The following RBFOX1 variants were observed in gnomAD, a reference collection of about 807,000 sequenced individuals.
The protein encoded by RBFOX1 is RNA binding fox-1 homolog 1, also known as RNA binding protein fox-1 homolog 1.
In RBFOX1, 8 loss-of-function variants were observed where a neutral mutation model predicts 57.7. That is an observed-to-expected ratio of 0.14 (90% CI 0.08 to 0.25). RBFOX1 has a LOEUF of 0.25. Among genes scored for constraint, RBFOX1 ranks in the 10% least tolerant of loss-of-function variants. The probability of loss-of-function intolerance (pLI) is 1.00; values close to 1 mark genes in which losing one functional copy is unlikely to be tolerated. For missense variants in RBFOX1, 611 were observed against 548.5 expected (o/e 1.11, Z -1.14); for synonymous variants, 326 against 222.4 (o/e 1.47, Z -4.15).
At chr16:6,035,222 C>T (rs537537165) in intron 1 of RBFOX1, among the ~76,000 whole-genome samples, 19 of 152,126 alleles carry the variant, frequency 1.2e-4, no homozygotes, top group South Asian at 2.1e-4. Flanking sequence ...CAAAATATGC[C>T]GTGGGCATCT....
At chr16:6,814,193 CATG>C (rs1168550804) in intron 3 of RBFOX1, among the ~76,000 whole-genome samples, 1 of 142,994 alleles carries the variant, frequency 7.0e-6, no homozygotes, top group African/African-American at 2.6e-5. Flanking sequence ...GCATGATCAA[CATG>C]ATGATAATAA....
chr16:7,276,532 A>C (rs1031250423), intron 4 of RBFOX1, among the ~76,000 whole-genome samples: 1 of 152,124 alleles, frequency 6.6e-6, no homozygotes, highest in Non-Finnish European at 1.5e-5. Context: ...AAATCTAAGT[A>C]GGAGGCTTCT....
At chr16:6,444,670 C>G (rs1355258160) in intron 2 of RBFOX1, among the ~76,000 whole-genome samples, 2 of 151,766 alleles carry the variant, frequency 1.3e-5, no homozygotes, top group Middle Eastern at 6.8e-3. Context: ...TCTTTATCAG[C>G]AGGGTTAAAA....
intron 2 of RBFOX1, among the ~76,000 whole-genome samples, chr16:6,348,261 C>T (rs964735840): frequency 1.3e-5 from 2 of 152,166 alleles, no homozygotes; most frequent in Non-Finnish European, 2.9e-5. Context: ...TGTGTAAACT[C>T]AGGCAAATCA....
chr16:6,665,129 G>A lies in RBFOX1; in HGVS notation c.-16+10479G>A, dbSNP rs747436855. ...TTTAATTTCACCAGATGCTAAGGAC[G>A]GCAACCACCAGCTGTATTAACTCCC... On this transcript the variant is annotated intron_variant, in intron 3 of 15. Transcript: ENST00000550418. Among the ~76,000 whole-genome samples, 18 of 152,284 alleles carry A rather than the reference G, an allele frequency of 1.2e-4. No individual in the cohort carries two copies. The Middle Eastern group carries it at 0.01, about 86-fold the overall frequency.
At chr16:7,648,427 G>A (rs1032880927) in intron 11 of RBFOX1, among the ~76,000 whole-genome samples, 1 of 152,052 alleles carries the variant, frequency 6.6e-6, no homozygotes, top group Non-Finnish European at 1.5e-5. Context: ...GTTACATCAT[G>A]TTTCCCAGGA....
intron 3 of RBFOX1, among the ~76,000 whole-genome samples, chr16:7,029,265 TAC>T (rs2042157398): frequency 7.5e-6 from 1 of 133,170 alleles, no homozygotes; most frequent in East Asian, 2.4e-4. Context: ...CACATATATA[TAC>T]GTATACGTAT....
At chr16:6,450,690 T>C (rs2153043260) in intron 2 of RBFOX1, among the ~76,000 whole-genome samples, 1 of 139,828 alleles carries the variant, frequency 7.2e-6, no homozygotes, top group Middle Eastern at 3.7e-3. Context: ...TTTGTCAATA[T>C]GAAGCAAATT....
At chr16:6,389,189 G>A (rs1308878426) in intron 2 of RBFOX1, among the ~76,000 whole-genome samples, 1 of 152,170 alleles carries the variant, frequency 6.6e-6, no homozygotes, top group African/African-American at 2.4e-5. Context: ...GGGATTCAGA[G>A]GGAGAATTTC....
At chr16:7,308,286 C>T (rs1262316021) in intron 4 of RBFOX1, among the ~76,000 whole-genome samples, 3 of 122,454 alleles carry the variant, frequency 2.4e-5, no homozygotes, top group Non-Finnish European at 4.9e-5. Flanking sequence ...TGTCAGATTC[C>T]ACCCAGAGCT....
intron 1 of RBFOX1, among the ~76,000 whole-genome samples, chr16:6,040,589 TTTC>T (rs2095425834): frequency 6.6e-6 from 1 of 151,586 alleles, no homozygotes; most frequent in Non-Finnish European, 1.5e-5. Context: ...TCTCTCTTTC[TTTC>T]TTATTTATTT....
intron 1 of RBFOX1, among the ~76,000 whole-genome samples, chr16:6,210,361 C>CAAAAAAAAAAAAAAAAAAAAAAAAAAAAA (rs3064933): frequency 1.6e-5 from 1 of 61,454 alleles, no homozygotes; most frequent in Non-Finnish European, 3.5e-5. Context: ...AAAAAAACAC[C>CAAAAAAAAAAAAAAAAAAAAAAAAAAAAA]AAAAAAAAAA....
chr16:6,930,278 C>A (rs566533670), intron 3 of RBFOX1, among the ~76,000 whole-genome samples: 4 of 152,132 alleles, frequency 2.6e-5, no homozygotes, highest in Non-Finnish European at 5.9e-5. Flanking sequence ...TTTGAATAGA[C>A]GTGTCTCCAA....
intron 2 of RBFOX1, among the ~76,000 whole-genome samples, chr16:6,614,813 A>C (rs2098120003): frequency 6.6e-6 from 1 of 151,870 alleles, no homozygotes; most frequent in Non-Finnish European, 1.5e-5. Context: ...TGACCTAGGG[A>C]CTCACCCTAC....
At chr16:7,169,281 G>A (rs942352141) in intron 4 of RBFOX1, among the ~76,000 whole-genome samples, 6 of 152,282 alleles carry the variant, frequency 3.9e-5, no homozygotes, top group South Asian at 2.1e-4. Context: ...AGAATTTTGA[G>A]TTTCTATGAG....
chr16:6,185,662 C>A lies in RBFOX1; in HGVS notation c.-126-131333C>A, dbSNP rs567506884. Among the ~76,000 whole-genome samples the A allele has an allele frequency of 2.0e-5, 3 of 152,308 alleles. No homozygotes were observed. In the East Asian group the frequency reaches 5.8e-4, roughly 29 times the overall value. On this transcript the variant is annotated intron_variant, in intron 1 of 15. Coordinates refer to ENST00000550418, the MANE Select transcript of RBFOX1 (RefSeq NM_018723.4). ...TAGCTAAATAGAATATAATATTTCA[C>A]CCCTATACACTTGTGGGTCTAAATT...
intron 3 of RBFOX1, among the ~76,000 whole-genome samples, chr16:5,624,959 G>A (rs1028392096): frequency 3.9e-5 from 6 of 152,278 alleles, no homozygotes; most frequent in East Asian, 1.9e-4. Context: ...GACCCCACCC[G>A]GATTTGGGGC....
rs545805102 is a variant in RBFOX1, at chr16:7,199,731, C to A, written c.27+147633C>A. 5.3e-5 allele frequency among the ~76,000 whole-genome samples: 8 copies of A among 152,200 alleles called. No homozygotes were observed. The East Asian group carries it at 9.7e-4, about 18-fold the overall frequency. On this transcript the variant is annotated intron_variant, in intron 4 of 15. Transcript: ENST00000550418. Reference sequence around the variant, plus strand: ...CCAACGTGGTGAAACCCCGTCTTTACTAAAATACAAAGATTAGCTGGGCAT... The same window carrying A: ...CCAACGTGGTGAAACCCCGTCTTTAATAAAATACAAAGATTAGCTGGGCAT...
chr16:7,575,380 C>G (rs1197483852), intron 5 of RBFOX1, among the ~76,000 whole-genome samples: 3 of 152,080 alleles, frequency 2.0e-5, no homozygotes, highest in Admixed American at 6.5e-5. Context: ...TGATCTGCCC[C>G]GCTCAGCCTC....
Sources: allele counts gnomAD v4.1 joint callset (sites outside exome capture counted in the v4.1 genomes callset), GRCh38; gene constraint gnomAD v4.1.1; transcripts MANE v1.5; gene names NCBI Gene and HGNC (gene_info 2026-07-23, HGNC 2026-07-21).